Variants in GJA5 observed in about 807,000 individuals in gnomAD.
GJA5 encodes gap junction alpha-5 protein.
In GJA5, 3 loss-of-function variants were observed where a neutral mutation model predicts 7.9. The observed-to-expected ratio is 0.38, with a 90% CI of 0.17 to 0.99. GJA5 has a LOEUF of 0.99. Among genes scored for constraint, GJA5 ranks in the 50% least tolerant of loss-of-function variants. The pLI is 0.38. For missense variants in GJA5, 390 were observed against 457.9 expected (o/e 0.85, Z 1.35); for synonymous variants, 193 against 181.0 (o/e 1.07, Z -0.53).
chr1:147,772,270 T>C (rs1553229172), intron 1 of GJA5, among the ~76,000 whole-genome samples: 1 of 152,084 alleles, frequency 6.6e-6, no homozygotes, highest in African/African-American at 2.4e-5. Context: ...TCTATTATAA[T>C]GGAATACTGC....
At chr1:147,766,148 G>T (rs1664194439) in intron 1 of GJA5, among the ~76,000 whole-genome samples, 1 of 152,020 alleles carries the variant, frequency 6.6e-6, no homozygotes, top group Admixed American at 6.6e-5. Context: ...AGAATTAGTT[G>T]CTCTACAGGC....
intron 1 of GJA5, among the ~76,000 whole-genome samples, chr1:147,772,322 G>C (rs1305934143): frequency 6.6e-6 from 1 of 152,212 alleles, no homozygotes; most frequent in African/African-American, 2.4e-5. Flanking sequence ...AGCAGGATGA[G>C]AAATTCTTGT....
intron 1 of GJA5, among the ~76,000 whole-genome samples, chr1:147,766,659 A>G (rs1451413158): frequency 2.0e-5 from 3 of 152,190 alleles, no homozygotes; most frequent in Non-Finnish European, 4.4e-5. Context: ...GTACTGGGGA[A>G]CTTATCCAAG....
At chr1:147,765,325 C>A (rs587751330), upstream of GJA5, among the ~76,000 whole-genome samples, 116 of 152,258 alleles carry the variant, frequency 7.6e-4, no homozygotes, top group African/African-American at 2.7e-3. Flanking sequence ...AAAAGTGATT[C>A]GTTCAAATAA....
chr1:147,772,477 A>T (rs1208846670), intron 1 of GJA5, among the ~76,000 whole-genome samples: 1 of 152,186 alleles, frequency 6.6e-6, no homozygotes, highest in Non-Finnish European at 1.5e-5. Flanking sequence ...GAGGCCCAGC[A>T]TGGGGATGTG....
chr1:147,758,547 C>T lies in GJA5; in HGVS notation c.692G>A (p.Trp231Ter). The T allele has an allele frequency of 2.5e-6, 4 of 1,613,698 alleles. No individual in the cohort carries two copies. The highest frequency in any genetic ancestry group is 3.4e-6 in the Non-Finnish European group (4 of 1,179,614). The change falls in exon 2 of 2, where the codon TGG (tryptophan) becomes TAG (stop). Residue 231 changes from tryptophan (W) to a stop codon, truncating the protein, a stop_gained. Coordinates refer to ENST00000579774, the MANE Select transcript of GJA5 (RefSeq NM_181703.4). LOFTEE classifies it low-confidence loss of function (END_TRUNC). ...GACAAATCGCTGTCTGATCTTCTTC[C>T]AGCCCAGGTGGTAGAGTTCAGCCAG... ...LSLAELYHLG[W>*]KKIRQRFVKP...
chr1:147,765,081 T>TA (rs1315115194), upstream of GJA5, among the ~76,000 whole-genome samples: 2 of 152,250 alleles, frequency 1.3e-5, no homozygotes, highest in Admixed American at 6.5e-5. Flanking sequence ...AGGTCAGCAG[T>TA]AAAAATAAAA....
At chr1:147,761,438 C>T (rs1553227408), upstream of GJA5, among the ~76,000 whole-genome samples, 1 of 152,178 alleles carries the variant, frequency 6.6e-6, no homozygotes, top group African/African-American at 2.4e-5. Context: ...CAGGGACCAA[C>T]CTCCTGGCCC....
upstream of GJA5, among the ~76,000 whole-genome samples, chr1:147,762,191 A>T (rs1553227529): frequency 6.6e-6 from 1 of 152,166 alleles, no homozygotes; most frequent in African/African-American, 2.4e-5. Flanking sequence ...AAGTAGAGAA[A>T]GGTGCATTAC....
In GJA5 at chr1:147,758,287, C is replaced by T. The variant is rs1553226774; in HGVS notation, c.952G>A (p.Gly318Ser). 1.2e-6 allele frequency: 2 copies of T among 1,614,114 alleles called. No individual in the cohort carries two copies. Among genetic ancestry groups the T allele is most frequent in the South Asian group, 1.1e-5 (1 of 91,086 alleles). ...CCATTGGGCACCTCAGGCTTCTGGC[C>T]ATAACGAACCTGGATGAAACCTTCC... ...PGEGFIQVRY[G>S]QKPEVPNGVS... The change falls in exon 2 of 2, where the codon GGC (glycine) becomes AGC (serine). Residue 318 changes from glycine (G) to serine (S), a missense_variant. Gly to Ser is a moderately conservative substitution (Grantham distance 56). Coordinates refer to ENST00000579774, the MANE Select transcript of GJA5 (RefSeq NM_181703.4).
chr1:147,766,241 T>A lies in GJA5; in HGVS notation c.-33-6970A>T, dbSNP rs112906567. Among the ~76,000 whole-genome samples, 124 of 152,204 alleles carry A rather than the reference T, an allele frequency of 8.1e-4. 2 individuals carry two copies. The highest frequency in any genetic ancestry group is 2.9e-3 in the African/African-American group (119 of 41,536). ...TCATCATTGTATTATCCTCCTGAAA[T>A]TCCCTCCACCCCAAACCCCTTAGTG... On this transcript the variant is annotated intron_variant, in intron 1 of 1. Transcript: ENST00000430508.
chr1:147,770,796 T>A (rs1553228957), intron 1 of GJA5, among the ~76,000 whole-genome samples: 1 of 152,172 alleles, frequency 6.6e-6, no homozygotes. Flanking sequence ...ACTTGCCCAT[T>A]ATTTACTAAT....
chr1:147,767,260 T>C (rs1242595643), intron 1 of GJA5, among the ~76,000 whole-genome samples: 1 of 152,088 alleles, frequency 6.6e-6, no homozygotes, highest in Non-Finnish European at 1.5e-5. Flanking sequence ...TGGATCTAGG[T>C]GATAATAATA....
chr1:147,766,080 C>T (rs1414813437), intron 1 of GJA5, among the ~76,000 whole-genome samples: 1 of 152,110 alleles, frequency 6.6e-6, no homozygotes, highest in African/African-American at 2.4e-5. Flanking sequence ...CTGTGTCCCC[C>T]AAGTCAGCAG....
chr1:147,762,515 G>A (rs1664056524), upstream of GJA5, among the ~76,000 whole-genome samples: 1 of 152,174 alleles, frequency 6.6e-6, no homozygotes. Context: ...ATACAAGAAA[G>A]GAACACCTTG....
Position 147,758,101 on chromosome 1 carries a change from C to T in GJA5, c.*61G>A, listed in dbSNP as rs889766059. 16 of 1,125,412 alleles carry T rather than the reference C, an allele frequency of 1.4e-5. 1 individual carries two copies. The highest frequency in any genetic ancestry group is 8.4e-5 in the Admixed American group (5 of 59,398). The allele number at this position is 1,125,412 out of a possible 1,614,324, so 69.7% of individuals were successfully genotyped here. On this transcript the variant is annotated 3_prime_UTR_variant, in exon 2 of 2. Coordinates refer to ENST00000579774, the MANE Select transcript of GJA5 (RefSeq NM_181703.4). Reference sequence around the variant, plus strand: ...AGAAAGCATCAGTTCAGAAGGGACACGTCTTTCCTCTCTGAGCCTCCTTTG... The same window carrying T: ...AGAAAGCATCAGTTCAGAAGGGACATGTCTTTCCTCTCTGAGCCTCCTTTG...
In GJA5 at chr1:147,758,861, C is replaced by T. The variant is rs112980895; in HGVS notation, c.378G>A (p.Pro126=). ...AGGACAGTTCTGCCTTCTCTGCCAC[C>T]GGGTACTCGTAAGAGCCAGAGCCCC... ...EVRGSGSYEY[P]VAEKAELSCW... The change falls in exon 2 of 2, where the codon CCG becomes CCA. Residue 126 remains proline, a synonymous_variant. Transcript: ENST00000579774. 8.1e-6 allele frequency: 13 copies of T among 1,614,222 alleles called. No individual in the cohort carries two copies. Among genetic ancestry groups the T allele is most frequent in the Admixed American group, 6.7e-5 (4 of 60,032 alleles).
upstream of GJA5, among the ~76,000 whole-genome samples, chr1:147,764,998 A>G (rs1360014582): frequency 1.3e-5 from 2 of 151,912 alleles, no homozygotes; most frequent in Non-Finnish European, 2.9e-5. Flanking sequence ...TGCTTTCTTA[A>G]TGATTGAAGA....
chr1:147,765,507 A>G (rs1389160895), upstream of GJA5, among the ~76,000 whole-genome samples: 2 of 152,122 alleles, frequency 1.3e-5, no homozygotes, highest in Admixed American at 6.6e-5. Flanking sequence ...GGGGTATGTG[A>G]TGTCTGTAGG....
Sources: gnomAD v4.1 joint callset for allele counts (sites outside exome capture counted in the v4.1 genomes callset) on GRCh38, gnomAD v4.1.1 for gene constraint, MANE v1.5 for transcripts, NCBI Gene and HGNC (gene_info 2026-07-23, HGNC 2026-07-21) for gene names.